CRPPA: variants seen among roughly 807,000 people sequenced by gnomAD.
The protein encoded by CRPPA is CDP-L-ribitol pyrophosphorylase A, also known as D-ribitol-5-phosphate cytidylyltransferase.
A neutral mutation model predicts 52.0 loss-of-function variants in CRPPA; 43 were observed. The observed-to-expected ratio is 0.83, with a 90% CI of 0.65 to 1.07. The LOEUF is 1.07. Ranked by LOEUF, CRPPA falls within the 50% of genes least tolerant of loss-of-function variation. CRPPA has a pLI of 0.00. For synonymous variants in CRPPA, 250 were observed against 203.5 expected (o/e 1.23, Z -1.94); for missense variants, 629 against 551.7 (o/e 1.14, Z -1.40).
At chr7:16,388,199 C>T (rs1787343960) in intron 2 of CRPPA, among the ~76,000 whole-genome samples, 1 of 152,046 alleles carries the variant, frequency 6.6e-6, no homozygotes, top group Non-Finnish European at 1.5e-5. Context: ...TGGTCTCAAA[C>T]TCCTGGGTTC....
chr7:16,384,854 C>A (rs181891874), intron 2 of CRPPA, among the ~76,000 whole-genome samples: 1 of 152,056 alleles, frequency 6.6e-6, no homozygotes, highest in Non-Finnish European at 1.5e-5. Context: ...TGAGAAGGCC[C>A]CACCCATATA....
At chr7:16,392,792 G>A (rs2128315121) in intron 2 of CRPPA, among the ~76,000 whole-genome samples, 1 of 151,986 alleles carries the variant, frequency 6.6e-6, no homozygotes, top group South Asian at 2.1e-4. Context: ...ATAAAAACTT[G>A]AACACCCTCT....
intron 9 of CRPPA, among the ~76,000 whole-genome samples, chr7:16,198,077 G>A (rs1238533095): frequency 1.0e-5 from 1 of 98,388 alleles, no homozygotes; most frequent in African/African-American, 4.0e-5. Flanking sequence ...CTCCCCATGT[G>A]ATAGTCTGAA....
intron 8 of CRPPA, among the ~76,000 whole-genome samples, chr7:16,221,174 G>C (rs1319412648): frequency 1.3e-5 from 2 of 152,130 alleles, no homozygotes; most frequent in African/African-American, 4.8e-5. Context: ...TGACAAACCT[G>C]AGAAAAACAA....
At chr7:16,232,560 C>A (rs1468824883) in intron 8 of CRPPA, among the ~76,000 whole-genome samples, 1 of 152,004 alleles carries the variant, frequency 6.6e-6, no homozygotes, top group African/African-American at 2.4e-5. Context: ...TTGCCCAGTT[C>A]ATGTTATTCT....
At chr7:16,354,341 A>G (rs1786241931) in intron 3 of CRPPA, among the ~76,000 whole-genome samples, 2 of 152,194 alleles carry the variant, frequency 1.3e-5, no homozygotes, top group African/African-American at 4.8e-5. Flanking sequence ...AGAACATGAT[A>G]CAACATGATT....
chr7:16,364,670 C>T (rs1786546227), intron 3 of CRPPA, among the ~76,000 whole-genome samples: 1 of 152,146 alleles, frequency 6.6e-6, no homozygotes, highest in Non-Finnish European at 1.5e-5. Context: ...GCAGTGTGGC[C>T]TAAGCACCAC....
intron 9 of CRPPA, among the ~76,000 whole-genome samples, chr7:16,170,847 G>A (rs1001163468): frequency 6.6e-5 from 10 of 152,334 alleles, no homozygotes; most frequent in South Asian, 2.1e-4. Flanking sequence ...ATTGCGCAGC[G>A]CCGGCAGCCG....
intron 3 of CRPPA, among the ~76,000 whole-genome samples, chr7:16,338,626 T>A (rs1267542426): frequency 6.6e-6 from 1 of 152,068 alleles, no homozygotes; most frequent in Non-Finnish European, 1.5e-5. Flanking sequence ...AGGAGAATTA[T>A]AAACAACTCT....
At chr7:16,389,928 A>AAAAAAAAATAT in intron 2 of CRPPA, among the ~76,000 whole-genome samples, 13 of 29,758 alleles carry the variant, frequency 4.4e-4, no homozygotes, top group African/African-American at 1.9e-3. Context: ...AAAAAAAAAA[A>AAAAAAAAATAT]ATATATATAT....
intron 3 of CRPPA, among the ~76,000 whole-genome samples, chr7:16,330,225 G>T (rs933454329): frequency 9.9e-5 from 15 of 152,212 alleles, no homozygotes; most frequent in Admixed American, 2.0e-4. Flanking sequence ...GTAAGCTTAT[G>T]AACACTTCAT....
At chr7:16,400,181 G>A (rs373594769) in intron 2 of CRPPA, among the ~76,000 whole-genome samples, 13 of 152,112 alleles carry the variant, frequency 8.5e-5, no homozygotes, top group Admixed American at 5.2e-4. Flanking sequence ...CGTTTGTGAC[G>A]TGACTGACAC....
intron 9 of CRPPA, among the ~76,000 whole-genome samples, chr7:16,162,350 G>C (rs370202533): frequency 1.3e-5 from 2 of 152,300 alleles, no homozygotes; most frequent in East Asian, 3.9e-4. Flanking sequence ...TGCTTTAGCT[G>C]TGTCCCAGAT....
At chr7:16,399,063 G>T (rs1787710833) in intron 2 of CRPPA, among the ~76,000 whole-genome samples, 1 of 152,156 alleles carries the variant, frequency 6.6e-6, no homozygotes, top group Admixed American at 6.5e-5. Context: ...TTCACAATTG[G>T]TGCATGACCA....
chr7:16,205,073 C>A (rs561204386), intron 9 of CRPPA, among the ~76,000 whole-genome samples: 59 of 152,260 alleles, frequency 3.9e-4, no homozygotes, highest in African/African-American at 1.3e-3. Flanking sequence ...CTTGGCAAGA[C>A]AGAGGCTTGC....
At chr7:16,243,069 C>T (rs1008173252) in intron 8 of CRPPA, among the ~76,000 whole-genome samples, 2 of 152,140 alleles carry the variant, frequency 1.3e-5, no homozygotes, top group African/African-American at 4.8e-5. Flanking sequence ...ATGTCAAAGG[C>T]GGGACCTATA....
At chr7:16,317,656 G>A (rs1785173918) in intron 3 of CRPPA, among the ~76,000 whole-genome samples, 1 of 152,118 alleles carries the variant, frequency 6.6e-6, no homozygotes, top group Non-Finnish European at 1.5e-5. Context: ...ATTCATCAAT[G>A]GACACAGGGT....
At chr7:16,271,709 CACTCCCAAT>C (rs1784093193) in intron 6 of CRPPA, among the ~76,000 whole-genome samples, 1 of 152,182 alleles carries the variant, frequency 6.6e-6, no homozygotes, top group Non-Finnish European at 1.5e-5. Flanking sequence ...TACTGCCTTC[CACTCCCAAT>C]CTAAGTCACT....
chr7:16,321,826 G>A (rs1361059533), intron 3 of CRPPA, among the ~76,000 whole-genome samples: 4 of 152,094 alleles, frequency 2.6e-5, no homozygotes, highest in Admixed American at 6.5e-5. Context: ...ACTGAGGAAC[G>A]TCTATCCTTT....
Sources: allele counts gnomAD v4.1 joint callset (sites outside exome capture counted in the v4.1 genomes callset), GRCh38; gene constraint gnomAD v4.1.1; transcripts MANE v1.5; gene names NCBI Gene and HGNC (gene_info 2026-07-23, HGNC 2026-07-21).